The following PKP4 variants were observed in gnomAD, a reference collection of about 807,000 sequenced individuals.
PKP4 encodes plakophilin 4, also known as plakophilin-4.
PKP4 carries 90 observed loss-of-function variants against 145.1 expected under a neutral mutation model. The ratio of observed to expected loss-of-function variants is 0.62; its 90% CI spans 0.52 to 0.74. PKP4 has a LOEUF of 0.74. PKP4 is among the 30% of genes least tolerant of loss of function. The pLI is 0.00. For missense variants in PKP4, 1,340 were observed against 1,482.7 expected (o/e 0.90, Z 1.58); for synonymous variants, 563 against 577.2 (o/e 0.98, Z 0.35).
chr2:158,631,733 T>C lies in PKP4; in HGVS notation c.1154-20T>C, dbSNP rs763906073. On this transcript the variant is annotated intron_variant, in intron 7 of 21. Coordinates refer to ENST00000389759, the MANE Select transcript of PKP4 (RefSeq NM_003628.6). ...CTGTGATTGTCTCAGTTCTTAACGATGTAATTTTTGTGCCTCTAGGCTTAC... is the reference window on the plus strand; with the variant it reads ...CTGTGATTGTCTCAGTTCTTAACGACGTAATTTTTGTGCCTCTAGGCTTAC... 124 of 1,602,788 alleles carry C rather than the reference T, an allele frequency of 7.7e-5. No homozygotes were observed. Among genetic ancestry groups the C allele is most frequent in the Non-Finnish European group, 1.0e-4 (122 of 1,169,916 alleles).
chr2:158,616,672 A>C (rs1234191799), intron 4 of PKP4, among the ~76,000 whole-genome samples: 1 of 152,086 alleles, frequency 6.6e-6, no homozygotes, highest in Non-Finnish European at 1.5e-5. Flanking sequence ...CACCATAGCA[A>C]CTCAGAACAG....
chr2:158,630,485 A>G (rs576712061), intron 7 of PKP4, among the ~76,000 whole-genome samples: 2 of 152,232 alleles, frequency 1.3e-5, no homozygotes, highest in South Asian at 4.1e-4. Context: ...GATAAATAGT[A>G]TTTCATAATA....
At chr2:158,669,606 A>G in intron 16 of PKP4, 114 bp from the exon 17 acceptor site, 1 of 772,322 alleles carries the variant, frequency 1.3e-6, no homozygotes, top group Non-Finnish European at 1.9e-6. Context: ...TTCCCCTATT[A>G]TTGTCTCTTT....
chr2:158,546,255 T>C (rs889612785), intron 2 of PKP4, among the ~76,000 whole-genome samples: 4 of 152,222 alleles, frequency 2.6e-5, no homozygotes, highest in African/African-American at 4.8e-5. Context: ...CCAATTTATT[T>C]TGTCATATAG....
chr2:158,676,790 C>T lies in PKP4; in HGVS notation c.3179C>T (p.Ser1060Phe), dbSNP rs780852655. Residue 1060 changes from serine to phenylalanine, a missense_variant, in exon 20 of 22, where the codon TCT becomes TTT. Ser to Phe is a radical substitution (Grantham distance 155). Coordinates refer to ENST00000389759, the MANE Select transcript of PKP4 (RefSeq NM_003628.6). The part of the protein sequence containing the change: ...PALLGIRDPR[S>F]EYDRTQPPMQ... The stretch of plus-strand genomic sequence containing the variant: ...CTGTTAGGAATCAGAGACCCTCGCT[C>T]TGAATACGATAGGACCCAGCCACCT... 6.2e-7 allele frequency: 1 copy of T among 1,614,168 alleles called. No individual in the cohort carries two copies. Among genetic ancestry groups the T allele is most frequent in the Non-Finnish European group, 8.5e-7 (1 of 1,180,024 alleles).
chr2:158,666,834 C>T lies in PKP4; in HGVS notation c.2728+271C>T, dbSNP rs1294951368. Among the ~76,000 whole-genome samples, 3 of 152,184 alleles carry T rather than the reference C, an allele frequency of 2.0e-5. No individual in the cohort carries two copies. In the East Asian group the frequency reaches 5.8e-4, roughly 29 times the overall value. On this transcript the variant is annotated intron_variant, in intron 16 of 21. Coordinates refer to ENST00000389759, the MANE Select transcript of PKP4 (RefSeq NM_003628.6). ...CTTACAACACTAGTAGGGTTAATGT[C>T]TCTCATTTCTAAGAGAGTTCTCTAT...
chr2:158,545,246 T>G (rs1036865320), intron 2 of PKP4, among the ~76,000 whole-genome samples: 2 of 152,166 alleles, frequency 1.3e-5, no homozygotes, highest in African/African-American at 4.8e-5. Flanking sequence ...TACTCCCTTC[T>G]TTGACAAAGG....
intron 2 of PKP4, among the ~76,000 whole-genome samples, chr2:158,546,312 C>T (rs79359014): frequency 0.19 from 29,493 of 152,084 alleles, 3,723 homozygotes; most frequent in Middle Eastern, 0.35. Context: ...TTGCTTTATT[C>T]TCTTTGCAAG....
chr2:158,615,307 CCTTA>C (rs1360739236), intron 4 of PKP4, among the ~76,000 whole-genome samples: 1 of 151,730 alleles, frequency 6.6e-6, no homozygotes, highest in African/African-American at 2.4e-5. Context: ...ACAATGAATC[CCTTA>C]CTTATCCCTT....
chr2:158,468,540 C>T (rs901223488), intron 1 of PKP4, among the ~76,000 whole-genome samples: 4 of 152,070 alleles, frequency 2.6e-5, no homozygotes, highest in Admixed American at 2.6e-4. Flanking sequence ...TTGGCTCTTT[C>T]AGAATTTCAC....
chr2:158,643,777 G>A (rs1558942113), intron 11 of PKP4, among the ~76,000 whole-genome samples: 1 of 151,440 alleles, frequency 6.6e-6, no homozygotes. Context: ...TTAGGGAACT[G>A]TTTTTTTAGA....
chr2:158,617,126 A>G (rs1444769152), intron 4 of PKP4, among the ~76,000 whole-genome samples: 1 of 152,196 alleles, frequency 6.6e-6, no homozygotes, highest in Non-Finnish European at 1.5e-5. Context: ...ATATTAGAGC[A>G]CTCAAATGAA....
chr2:158,553,656 G>A (rs762040528), intron 2 of PKP4, among the ~76,000 whole-genome samples: 1 of 152,096 alleles, frequency 6.6e-6, no homozygotes, highest in African/African-American at 2.4e-5. Context: ...ACCTTGTCCC[G>A]CTGGGTTTTG....
intron 1 of PKP4, among the ~76,000 whole-genome samples, chr2:158,509,697 C>T (rs927322050): frequency 6.6e-6 from 1 of 152,152 alleles, no homozygotes; most frequent in African/African-American, 2.4e-5. Context: ...CCTGTAATCC[C>T]AGCACTTTGG....
At chr2:158,656,684 C>T (rs1445070212) in intron 11 of PKP4, among the ~76,000 whole-genome samples, 1 of 152,200 alleles carries the variant, frequency 6.6e-6, no homozygotes, top group African/African-American at 2.4e-5. Context: ...AGAGCACAAG[C>T]ATCAGGTTCC....
At chr2:158,623,760 A>T (rs934556299) in intron 6 of PKP4, among the ~76,000 whole-genome samples, 3 of 152,078 alleles carry the variant, frequency 2.0e-5, no homozygotes, top group African/African-American at 7.2e-5. Context: ...TCCCCACCTA[A>T]AAGTGGATGT....
chr2:158,533,515 G>C lies in PKP4; in HGVS notation c.132+199G>C, dbSNP rs1170930653. The C allele has an allele frequency of 7.5e-6, 5 of 665,970 alleles. No homozygotes were observed. In the East Asian group the frequency reaches 1.2e-4, roughly 17 times the overall value. 41.3% of individuals were successfully genotyped at this position (665,970 alleles called of 1,614,324 possible). ...GTGCCAGTCAGAATCGGAACATGCA[G>C]GATACTTGTGCGTCTGCAAGTAAGG... On this transcript the variant is annotated intron_variant, in intron 2 of 21. Coordinates refer to ENST00000389759, the MANE Select transcript of PKP4 (RefSeq NM_003628.6).
intron 1 of PKP4, among the ~76,000 whole-genome samples, chr2:158,504,535 A>G (rs1697037457): frequency 6.6e-6 from 1 of 152,218 alleles, no homozygotes; most frequent in Admixed American, 6.5e-5. Context: ...GACAAGTTAA[A>G]CATAAAACTA....
At chr2:158,665,087 T>C (rs2105989196) in intron 15 of PKP4, among the ~76,000 whole-genome samples, 1 of 152,330 alleles carries the variant, frequency 6.6e-6, no homozygotes, top group East Asian at 1.9e-4. Context: ...AGTTAAAATA[T>C]TGGACCTTCA....
Sources: gnomAD v4.1 joint callset for allele counts (sites outside exome capture counted in the v4.1 genomes callset) on GRCh38, gnomAD v4.1.1 for gene constraint, MANE v1.5 for transcripts, NCBI Gene and HGNC (gene_info 2026-07-23, HGNC 2026-07-21) for gene names.